The following ZCCHC7 variants were observed in gnomAD, a reference collection of about 807,000 sequenced individuals.
ZCCHC7 encodes zinc finger CCHC domain-containing protein 7.
A neutral mutation model predicts 52.0 loss-of-function variants in ZCCHC7; 35 were observed. The observed-to-expected ratio is 0.67, with a 90% CI of 0.51 to 0.89. The LOEUF (loss-of-function observed/expected upper bound fraction) is 0.89, where lower values mean the gene tolerates loss of function less well. Ranked by LOEUF, ZCCHC7 falls within the 40% of genes least tolerant of loss-of-function variation. The pLI is 0.00. For synonymous variants in ZCCHC7, 217 were observed against 221.5 expected (o/e 0.98, Z 0.18); for missense variants, 574 against 649.1 (o/e 0.88, Z 1.26).
chr9:37,258,035 A>G (rs1325506677), intron 2 of ZCCHC7, among the ~76,000 whole-genome samples: 2 of 152,242 alleles, frequency 1.3e-5, no homozygotes, highest in Non-Finnish European at 2.9e-5. Flanking sequence ...GTTCATAAGT[A>G]TAAAAGCCCT....
intron 2 of ZCCHC7, among the ~76,000 whole-genome samples, chr9:37,230,304 TAC>T (rs1264149946): frequency 6.6e-6 from 1 of 152,236 alleles, no homozygotes; most frequent in East Asian, 1.9e-4. Flanking sequence ...TAGGTTTGTT[TAC>T]ACAAACATGA....
intron 5 of ZCCHC7, among the ~76,000 whole-genome samples, chr9:37,314,808 A>G (rs1336190060): frequency 6.6e-6 from 1 of 151,804 alleles, no homozygotes; most frequent in Non-Finnish European, 1.5e-5. Flanking sequence ...GGTTTTGAAA[A>G]TCTCCCTCAA....
At chr9:37,292,612 T>TA (rs568977186) in intron 2 of ZCCHC7, among the ~76,000 whole-genome samples, 191 of 150,002 alleles carry the variant, frequency 1.3e-3, no homozygotes, top group African/African-American at 2.7e-3. Context: ...ATAAATCCAT[T>TA]AAAAAAAAAC....
chr9:37,163,385 CAAA>C (rs1022187626), intron 2 of ZCCHC7, among the ~76,000 whole-genome samples: 1 of 77,170 alleles, frequency 1.3e-5, no homozygotes. Context: ...GACTCCATCT[CAAA>C]AAAAAAAAAA....
At chr9:37,179,265 T>G (rs1180255654) in intron 2 of ZCCHC7, among the ~76,000 whole-genome samples, 1 of 152,212 alleles carries the variant, frequency 6.6e-6, no homozygotes, top group Non-Finnish European at 1.5e-5. Context: ...TAAGTCTGTT[T>G]TACATGCCTT....
intron 7 of ZCCHC7, 139 bp downstream of exon 7, chr9:37,349,591 GT>G: frequency 1.2e-6 from 1 of 802,292 alleles, no homozygotes; most frequent in Non-Finnish European, 2.0e-6. Flanking sequence ...TTTTCAACTG[GT>G]TTACCCCTCC....
chr9:37,328,456 A>G (rs924690760), intron 6 of ZCCHC7, among the ~76,000 whole-genome samples: 9 of 151,982 alleles, frequency 5.9e-5, no homozygotes, highest in African/African-American at 2.2e-4. Flanking sequence ...GGTGCTCAAT[A>G]TTATGAAGTT....
chr9:37,298,888 C>T (rs1261779234), intron 2 of ZCCHC7, among the ~76,000 whole-genome samples: 1 of 152,178 alleles, frequency 6.6e-6, no homozygotes, highest in East Asian at 1.9e-4. Flanking sequence ...TTGGCCTTCT[C>T]TTACTCTTTC....
At chr9:37,122,030 C>T (rs1323453740) in intron 1 of ZCCHC7, among the ~76,000 whole-genome samples, 5 of 152,206 alleles carry the variant, frequency 3.3e-5, no homozygotes, top group African/African-American at 9.7e-5. Context: ...GTATTCATCA[C>T]ATTCCAATGA....
At chr9:37,129,530 AAACT>A (rs1564130638) in intron 2 of ZCCHC7, among the ~76,000 whole-genome samples, 1 of 152,196 alleles carries the variant, frequency 6.6e-6, no homozygotes, top group Non-Finnish European at 1.5e-5. Context: ...CCCTCTCATA[AAACT>A]ATCTGGGGAT....
chr9:37,148,267 T>C (rs1352958097), intron 2 of ZCCHC7, among the ~76,000 whole-genome samples: 4 of 152,062 alleles, frequency 2.6e-5, no homozygotes. Context: ...CTTACAAAGA[T>C]GAATCAGGTA....
In ZCCHC7 at chr9:37,223,181, A is replaced by G. The variant is rs140776926; in HGVS notation, c.611-79007A>G. 1.6e-3 allele frequency among the ~76,000 whole-genome samples: 247 copies of G among 152,298 alleles called. 1 individual carries two copies. The highest frequency in any genetic ancestry group is 5.7e-3 in the African/African-American group (237 of 41,576). ...AAAAAAAAAGTCTTAAATGTAATAG[A>G]TACTTGTATTTGAATGTTTACAGTA... On this transcript the variant is annotated intron_variant, in intron 2 of 8. Coordinates refer to ENST00000336755, the MANE Select transcript of ZCCHC7 (RefSeq NM_032226.3).
chr9:37,286,806 C>A (rs1369119209), intron 2 of ZCCHC7, among the ~76,000 whole-genome samples: 1 of 56,704 alleles, frequency 1.8e-5, no homozygotes, highest in Non-Finnish European at 3.3e-5. Context: ...CTCCCTCCCC[C>A]CCGTTCCCGC....
At chr9:37,198,379 A>G (rs1823399425) in intron 2 of ZCCHC7, among the ~76,000 whole-genome samples, 1 of 152,182 alleles carries the variant, frequency 6.6e-6, no homozygotes, top group Admixed American at 6.5e-5. Context: ...TTTAATGGTA[A>G]TTAACATTTC....
chr9:37,219,132 AAAAAC>A (rs1368525472), intron 2 of ZCCHC7, among the ~76,000 whole-genome samples: 2 of 152,180 alleles, frequency 1.3e-5, no homozygotes, highest in Admixed American at 6.5e-5. Flanking sequence ...AATGAAAACT[AAAAAC>A]AAACAGAAAA....
intron 2 of ZCCHC7, 137 bp downstream of exon 2, chr9:37,127,079 G>T: frequency 9.6e-7 from 1 of 1,039,372 alleles, no homozygotes; most frequent in Middle Eastern, 3.2e-4. Flanking sequence ...TGTTTCTCAT[G>T]CGACTCTCTT....
At chr9:37,258,411 A>G (rs923073819) in intron 2 of ZCCHC7, among the ~76,000 whole-genome samples, 4 of 152,152 alleles carry the variant, frequency 2.6e-5, no homozygotes, top group African/African-American at 9.7e-5. Flanking sequence ...AGGAGATCTG[A>G]TAAGATTTAG....
intron 2 of ZCCHC7, among the ~76,000 whole-genome samples, chr9:37,153,514 C>CT (rs1820647884): frequency 6.6e-6 from 1 of 151,658 alleles, no homozygotes; most frequent in African/African-American, 2.4e-5. Flanking sequence ...AGGGTTCACT[C>CT]TGTTTCCCAG....
intron 2 of ZCCHC7, among the ~76,000 whole-genome samples, chr9:37,202,277 ATAAAGT>A (rs1298037673): frequency 1.3e-4 from 20 of 152,366 alleles, no homozygotes; most frequent in Middle Eastern, 3.4e-3. Context: ...ACAGCTGAAG[ATAAAGT>A]TAAAGGGTAA....
Sources: gnomAD v4.1 joint callset for allele counts (sites outside exome capture counted in the v4.1 genomes callset) on GRCh38, gnomAD v4.1.1 for gene constraint, MANE v1.5 for transcripts, NCBI Gene and HGNC (gene_info 2026-07-23, HGNC 2026-07-21) for gene names.